NRG1: variants seen among roughly 807,000 people sequenced by gnomAD.
The protein encoded by NRG1 is pro-neuregulin-1, membrane-bound isoform.
A neutral mutation model predicts 63.8 loss-of-function variants in NRG1; 18 were observed. The observed-to-expected ratio is 0.28, with a 90% confidence interval of 0.19 to 0.42. The LOEUF is 0.42. Among genes scored for constraint, NRG1 ranks in the 10% least tolerant of loss-of-function variants. The pLI, the probability that NRG1 is intolerant of heterozygous loss-of-function variation, is 1.00. For synonymous variants in NRG1, 302 were observed against 301.3 expected (o/e 1.00, Z -0.02); for missense variants, 762 against 814.7 (o/e 0.94, Z 0.79).
intron 1 of NRG1, among the ~76,000 whole-genome samples, chr8:32,233,539 A>ATATATG (rs1563934240): frequency 1.9e-5 from 1 of 51,364 alleles, no homozygotes; most frequent in East Asian, 3.3e-4. Context: ...TCGAAAGAAT[A>ATATATG]TATATATATA....
chr8:31,704,917 T>C (rs2131212807), intron 1 of NRG1, among the ~76,000 whole-genome samples: 1 of 152,060 alleles, frequency 6.6e-6, no homozygotes, highest in Middle Eastern at 3.5e-3. Flanking sequence ...TCACCAAAAG[T>C]AGATACATAC....
intron 1 of NRG1, among the ~76,000 whole-genome samples, chr8:32,587,268 A>G (rs1446351250): frequency 6.6e-6 from 1 of 152,190 alleles, no homozygotes; most frequent in Non-Finnish European, 1.5e-5. Context: ...CAATAATACA[A>G]GAACCGTCTG....
At chr8:32,048,788 G>T (rs1370148732) in intron 1 of NRG1, among the ~76,000 whole-genome samples, 2 of 151,838 alleles carry the variant, frequency 1.3e-5, no homozygotes, top group Admixed American at 6.6e-5. Context: ...TGTCTATTCA[G>T]ATATTTTGCC....
intron 1 of NRG1, among the ~76,000 whole-genome samples, chr8:31,866,769 A>G (rs185992668): frequency 8.3e-4 from 126 of 152,330 alleles, no homozygotes; most frequent in Non-Finnish European, 1.5e-3. Flanking sequence ...CTCTGCATGC[A>G]TAGGGAAGTA....
intron 1 of NRG1, among the ~76,000 whole-genome samples, chr8:31,776,399 T>G (rs1819139525): frequency 6.6e-6 from 1 of 152,100 alleles, no homozygotes; most frequent in African/African-American, 2.4e-5. Context: ...CAAGCCTCTG[T>G]GCTGGAAATG....
chr8:32,296,616 CAAAAA>C (rs34816837), intron 1 of NRG1, among the ~76,000 whole-genome samples: 1 of 100,784 alleles, frequency 9.9e-6, no homozygotes, highest in Non-Finnish European at 2.1e-5. Context: ...AACTTTGTCC[CAAAAA>C]AAAAAAAAAA....
intron 1 of NRG1, among the ~76,000 whole-genome samples, chr8:32,438,858 GT>G (rs1179548993): frequency 2.6e-5 from 4 of 151,990 alleles, no homozygotes; most frequent in African/African-American, 9.7e-5. Flanking sequence ...CTCTGTTCCT[GT>G]TGCCTATTTT....
intron 1 of NRG1, among the ~76,000 whole-genome samples, chr8:32,157,687 T>C (rs1319180206): frequency 6.7e-6 from 1 of 148,888 alleles, no homozygotes; most frequent in Non-Finnish European, 1.5e-5. Context: ...TATATGTTTA[T>C]AAATATATAA....
intron 1 of NRG1, among the ~76,000 whole-genome samples, chr8:32,124,544 T>A (rs1833855935): frequency 6.6e-6 from 1 of 151,958 alleles, no homozygotes; most frequent in African/African-American, 2.4e-5. Flanking sequence ...AGAAACTAAG[T>A]TATGATACAA....
chr8:32,312,533 C>T (rs1470598301), intron 1 of NRG1, among the ~76,000 whole-genome samples: 15 of 151,836 alleles, frequency 9.9e-5, no homozygotes, highest in Admixed American at 9.8e-4. Flanking sequence ...TAGGCATACT[C>T]ACAGAGCAAG....
intron 11 of NRG1, chr8:32,763,249 A>T (rs1257260204): frequency 3.1e-6 from 5 of 1,614,082 alleles, no homozygotes; most frequent in Non-Finnish European, 4.2e-6. Context: ...AAGGAGAAAC[A>T]AGGCACACAG....
At chr8:32,106,058 A>C (rs952291) in intron 1 of NRG1, among the ~76,000 whole-genome samples, 131,083 of 152,124 alleles carry the variant, frequency 0.86, 57,823 homozygotes, top group Non-Finnish European at 0.96. Flanking sequence ...TTATATGAAG[A>C]AAAATAGAGT....
intron 1 of NRG1, among the ~76,000 whole-genome samples, chr8:32,117,063 G>T (rs373838918): frequency 6.6e-6 from 1 of 151,500 alleles, no homozygotes; most frequent in Non-Finnish European, 1.5e-5. Flanking sequence ...GATTGCTTGA[G>T]CCCAGGAGGT....
At chr8:32,043,728 A>G (rs1321196179) in intron 1 of NRG1, among the ~76,000 whole-genome samples, 1 of 151,976 alleles carries the variant, frequency 6.6e-6, no homozygotes, top group African/African-American at 2.4e-5. Context: ...GATTCTAAAT[A>G]TAACATGAAA....
chr8:32,499,275 A>G (rs1587989748), intron 1 of NRG1, among the ~76,000 whole-genome samples: 1 of 152,196 alleles, frequency 6.6e-6, no homozygotes, highest in East Asian at 1.9e-4. Context: ...ATAATCACAC[A>G]CTTAAAGAGA....
intron 1 of NRG1, among the ~76,000 whole-genome samples, chr8:32,495,287 G>T (rs1827062724): frequency 6.6e-6 from 1 of 152,146 alleles, no homozygotes. Context: ...CACGAGATCT[G>T]GTGGTTTTAT....
chr8:32,485,912 C>T (rs1002033953), intron 1 of NRG1, among the ~76,000 whole-genome samples: 1 of 152,062 alleles, frequency 6.6e-6, no homozygotes, highest in African/African-American at 2.4e-5. Flanking sequence ...CCCCAATTTG[C>T]ACTTATTTCT....
At chr8:32,456,177 T>C (rs2129488410) in intron 1 of NRG1, among the ~76,000 whole-genome samples, 1 of 152,340 alleles carries the variant, frequency 6.6e-6, no homozygotes, top group South Asian at 2.1e-4. Flanking sequence ...TTATTTCCCA[T>C]GTATGCACAA....
At chr8:32,614,554 T>C (rs769803737) in exon 4 of NRG1, 8 of 1,612,480 alleles carry the variant, frequency 5.0e-6, no homozygotes, top group Admixed American at 3.3e-5. Context: ...AAGGAGCATA[T>C]GTGTCTTCAG....
Sources: gnomAD v4.1 joint callset for allele counts (sites outside exome capture counted in the v4.1 genomes callset) on GRCh38, gnomAD v4.1.1 for gene constraint, MANE v1.5 for transcripts, NCBI Gene and HGNC (gene_info 2026-07-23, HGNC 2026-07-21) for gene names.